The following COP1 variants were observed in gnomAD, a reference collection of about 807,000 sequenced individuals.
COP1 encodes COP1 E3 ubiquitin ligase.
In COP1, 24 loss-of-function variants were observed where a neutral mutation model predicts 101.3. That is an observed-to-expected ratio of 0.24 (90% confidence interval 0.17 to 0.33). COP1 has a LOEUF of 0.33. Among genes scored for constraint, COP1 ranks in the 10% least tolerant of loss-of-function variants. The probability of loss-of-function intolerance (pLI) is 1.00; values close to 1 mark genes in which losing one functional copy is unlikely to be tolerated. For missense variants in COP1, 663 were observed against 906.2 expected (o/e 0.73, Z 3.45); for synonymous variants, 347 against 341.9 (o/e 1.01, Z -0.17).
intron 15 of COP1, among the ~76,000 whole-genome samples, chr1:176,014,213 C>T (rs144476689): frequency 2.0e-5 from 3 of 152,230 alleles, no homozygotes; most frequent in South Asian, 2.1e-4. Flanking sequence ...TGGGAAGCTG[C>T]GCTTACATTT....
intron 14 of COP1, among the ~76,000 whole-genome samples, chr1:176,041,009 T>C (rs770553656): frequency 1.3e-5 from 2 of 151,976 alleles, no homozygotes; most frequent in Non-Finnish European, 2.9e-5. Context: ...CAGTGAATAG[T>C]AAAGATGGAT....
At chr1:176,059,448 T>A (rs1248842094) in intron 11 of COP1, among the ~76,000 whole-genome samples, 9 of 152,124 alleles carry the variant, frequency 5.9e-5, no homozygotes, top group Non-Finnish European at 8.8e-5. Flanking sequence ...TATAATTTTT[T>A]AAAAATTTGT....
intron 11 of COP1, among the ~76,000 whole-genome samples, chr1:176,069,236 A>G (rs1676558354): frequency 6.6e-6 from 1 of 152,176 alleles, no homozygotes; most frequent in South Asian, 2.1e-4. Context: ...ATACAGTAAT[A>G]CGTGGTTTTG....
At chr1:175,968,982 G>A (rs1235302942) in intron 18 of COP1, among the ~76,000 whole-genome samples, 4 of 152,160 alleles carry the variant, frequency 2.6e-5, no homozygotes, top group Non-Finnish European at 4.4e-5. Context: ...AAAAATGACT[G>A]GATTGCTGAT....
In COP1 at chr1:176,085,678, T is replaced by G. The variant is rs878952669; in HGVS notation, c.1141+98A>C. ...AGACTATGTCAAAAATACATACTTT[T>G]GCTTTGCAATTAGGACTTTCCATAA... On this transcript the variant is annotated intron_variant, in intron 10 of 19. Coordinates refer to ENST00000367669, the MANE Select transcript of COP1 (RefSeq NM_022457.7). 4 of 579,714 alleles carry G rather than the reference T, an allele frequency of 6.9e-6. No individual in the cohort carries two copies. The South Asian group carries it at 1.4e-4, about 20-fold the overall frequency. The allele number at this position is 579,714 out of a possible 1,614,324, so 35.9% of individuals were successfully genotyped here. A position where few individuals can be genotyped will look rare whatever the true frequency, so the allele number is the denominator to read the frequency against.
intron 1 of COP1, among the ~76,000 whole-genome samples, chr1:176,188,211 C>G (rs1161419544): frequency 6.6e-6 from 1 of 151,970 alleles, no homozygotes; most frequent in Non-Finnish European, 1.5e-5. Flanking sequence ...GACTACAATA[C>G]TTAGGAAGAG....
intron 12 of COP1, 97 bp downstream of exon 12, chr1:176,046,084 T>A: frequency 3.3e-6 from 3 of 913,008 alleles, no homozygotes; most frequent in Non-Finnish European, 5.1e-6. Flanking sequence ...TCACCATGAG[T>A]AAAAAGTGTC....
intron 18 of COP1, among the ~76,000 whole-genome samples, chr1:175,975,158 C>G (rs533944695): frequency 1.1e-4 from 17 of 152,052 alleles, no homozygotes; most frequent in Admixed American, 4.6e-4. Context: ...ATCTCTGTAT[C>G]TAAAATACAT....
At chr1:176,035,710 C>CAAAA (rs71129541) in intron 14 of COP1, among the ~76,000 whole-genome samples, 5 of 73,100 alleles carry the variant, frequency 6.8e-5, no homozygotes, top group African/African-American at 2.1e-4. Flanking sequence ...AAAACGAGAC[C>CAAAA]AAAAAAAAAA....
chr1:176,042,270 CAA>C (rs35822380), intron 14 of COP1, among the ~76,000 whole-genome samples: 1 of 88,020 alleles, frequency 1.1e-5, no homozygotes, highest in Non-Finnish European at 2.1e-5. Context: ...AACTCTATCT[CAA>C]AAAAAAAAAA....
rs374370495 is a variant in COP1, at chr1:176,097,890, T to C, written c.1027-12000A>G. Among the ~76,000 whole-genome samples, 130 of 138,698 alleles carry C rather than the reference T, an allele frequency of 9.4e-4. 1 individual carries two copies. In the Middle Eastern group the frequency reaches 0.012, roughly 13 times the overall value. The allele number at this position is 138,698 out of a possible 152,430, so 91.0% of individuals were successfully genotyped here. ...TCTCAAAAAAAAAAAAAAAAAAAGC[T>C]CTAATTAATTGGCCTAAAGGAAGAT... is the stretch of plus-strand genomic sequence containing the variant. On this transcript the variant is annotated intron_variant, in intron 9 of 19. Transcript: ENST00000367669.
rs561960017 is a variant in COP1 at position 176,054,220 on chromosome 1, G to A, written c.1278-7896C>T. On this transcript the variant is annotated intron_variant, in intron 11 of 19. Transcript: ENST00000367669. The stretch of plus-strand genomic sequence containing the variant: ...TGTCACCCAGGCTGGGGTGCAGTGG[G>A]CATGATCTCGGCTCACTGCAACCTC... Among the ~76,000 whole-genome samples the A allele has an allele frequency of 2.0e-5, 3 of 150,706 alleles. No individual in the cohort carries two copies. The South Asian group carries it at 6.3e-4, about 32-fold the overall frequency.
chr1:176,156,783 T>C (rs907366136), intron 5 of COP1, among the ~76,000 whole-genome samples: 1 of 152,238 alleles, frequency 6.6e-6, no homozygotes, highest in Admixed American at 6.5e-5. Context: ...CTGCACCTAA[T>C]AACAGGGTTT....
chr1:176,164,724 A>T (rs1042970619), intron 3 of COP1, among the ~76,000 whole-genome samples: 1 of 152,190 alleles, frequency 6.6e-6, no homozygotes, highest in African/African-American at 2.4e-5. Flanking sequence ...ACTGATAACT[A>T]GTTCTAGAAA....
At position 176,152,709 on chromosome 1, in the gene COP1, G is replaced by A. The variant is rs147043622; in HGVS notation, c.763-3635C>T. Among the ~76,000 whole-genome samples the A allele has an allele frequency of 5.1e-3, 781 of 152,200 alleles. 2 individuals carry two copies. Among genetic ancestry groups the A allele is most frequent in the Non-Finnish European group, 6.5e-3 (442 of 67,990 alleles). On this transcript the variant is annotated intron_variant, in intron 5 of 19. Transcript: ENST00000367669. Reference sequence around the variant, plus strand: ...TGCCTTCCTGGCCTCCCAAAGTGCCGTAATTACGGCGTGAGCCACTGTGCC... The same window carrying A: ...TGCCTTCCTGGCCTCCCAAAGTGCCATAATTACGGCGTGAGCCACTGTGCC...
chr1:176,072,719 C>T (rs574688889), intron 11 of COP1, among the ~76,000 whole-genome samples: 3 of 152,246 alleles, frequency 2.0e-5, no homozygotes, highest in African/African-American at 7.2e-5. Flanking sequence ...AATCTGGATC[C>T]ACATTTGCTG....
At chr1:176,172,578 GA>G in intron 3 of COP1, among the ~76,000 whole-genome samples, 1 of 152,266 alleles carries the variant, frequency 6.6e-6, no homozygotes, top group Middle Eastern at 3.4e-3. Context: ...GAACATCTCA[GA>G]ATCATATAAC....
intron 8 of COP1, among the ~76,000 whole-genome samples, chr1:176,130,008 A>C (rs77845902): frequency 6.6e-6 from 1 of 151,770 alleles, no homozygotes; most frequent in East Asian, 1.9e-4. Context: ...TCAATTACAC[A>C]TAATAATAAA....
intron 10 of COP1, among the ~76,000 whole-genome samples, 192 bp downstream of exon 10, chr1:176,085,584 T>C (rs1054142122): frequency 6.6e-6 from 1 of 152,136 alleles, no homozygotes; most frequent in Admixed American, 6.6e-5. Context: ...TTCACAAATA[T>C]AGAACAAAAA....
Sources: allele counts gnomAD v4.1 joint callset (sites outside exome capture counted in the v4.1 genomes callset), GRCh38; gene constraint gnomAD v4.1.1; transcripts MANE v1.5; gene names NCBI Gene and HGNC (gene_info 2026-07-23, HGNC 2026-07-21).